Variants in PKN2 observed in about 807,000 individuals in gnomAD.
PKN2 encodes protein kinase N2, also known as serine/threonine-protein kinase N2.
A neutral mutation model predicts 119.1 loss-of-function variants in PKN2; 38 were observed. The ratio of observed to expected loss-of-function variants is 0.32; its 90% CI spans 0.25 to 0.42. PKN2 has a LOEUF of 0.42. Ranked by LOEUF, PKN2 falls within the 10% of genes least tolerant of loss-of-function variation. The pLI, the probability that PKN2 is intolerant of heterozygous loss-of-function variation, is 1.00. For synonymous variants in PKN2, 390 were observed against 384.9 expected (o/e 1.01, Z -0.15); for missense variants, 850 against 1,165.1 (o/e 0.73, Z 3.94).
chr1:88,820,179 CCTATATAT>C (rs1369164091), intron 16 of PKN2, among the ~76,000 whole-genome samples: 2 of 65,476 alleles, frequency 3.1e-5, no homozygotes, highest in East Asian at 9.1e-4. Flanking sequence ...TTTTCAGAAA[CCTATATAT>C]ATATATATAT....
chr1:88,824,037 G>T (rs893316785), intron 17 of PKN2, among the ~76,000 whole-genome samples: 3 of 147,566 alleles, frequency 2.0e-5, no homozygotes, highest in Non-Finnish European at 4.5e-5. Flanking sequence ...GATTAAATTA[G>T]ATTATCACAA....
At chr1:88,815,223 T>C (rs1024570979) in intron 16 of PKN2, among the ~76,000 whole-genome samples, 1 of 152,222 alleles carries the variant, frequency 6.6e-6, no homozygotes, top group Non-Finnish European at 1.5e-5. Context: ...TTATTTTTGC[T>C]GAGAATATAA....
At position 88,822,786 on chromosome 1, in the gene PKN2, C is replaced by T. The variant is rs180707225; in HGVS notation, c.2342+783C>T. ...TATAGATGGAGTTTCACCATGTTGG[C>T]CAGGCTGGTCTTAAAACTCCTGACC... On this transcript the variant is annotated intron_variant, in intron 17 of 21. Transcript: ENST00000370521. 2.6e-3 allele frequency among the ~76,000 whole-genome samples: 396 copies of T among 152,138 alleles called. 2 individuals carry two copies. The highest frequency in any genetic ancestry group is 9.2e-3 in the African/African-American group (380 of 41,512).
rs1056761816 is a variant in PKN2 at position 88,790,853 on chromosome 1, T to C, written c.1281+4640T>C. Among the ~76,000 whole-genome samples, 18 of 152,282 alleles carry C rather than the reference T, an allele frequency of 1.2e-4. 1 individual carries two copies. The East Asian group carries it at 3.5e-3, about 29-fold the overall frequency. Reference sequence around the variant, plus strand: ...GTCTATGGTTTCTGTCTTTTTGTTCTACTTTCTAGGAAATTTTTACAACTG... The same window carrying C: ...GTCTATGGTTTCTGTCTTTTTGTTCCACTTTCTAGGAAATTTTTACAACTG... On this transcript the variant is annotated intron_variant, in intron 8 of 21. Coordinates refer to ENST00000370521, the MANE Select transcript of PKN2 (RefSeq NM_006256.4).
At chr1:88,832,509 T>C (rs1437102897) in intron 19 of PKN2, among the ~76,000 whole-genome samples, 1 of 152,042 alleles carries the variant, frequency 6.6e-6, no homozygotes, top group African/African-American at 2.4e-5. Context: ...AATTTAAAGA[T>C]TTCAGAAAGA....
At chr1:88,812,652 C>T (rs981136689) in intron 15 of PKN2, among the ~76,000 whole-genome samples, 1 of 152,142 alleles carries the variant, frequency 6.6e-6, no homozygotes, top group African/African-American at 2.4e-5. Flanking sequence ...AGGAGGTTCA[C>T]TTGAGCCTAG....
intron 15 of PKN2, among the ~76,000 whole-genome samples, 166 bp downstream of exon 15, chr1:88,807,941 G>T (rs1671616646): frequency 6.6e-6 from 1 of 151,570 alleles, no homozygotes. Context: ...TTTCTTTTTT[G>T]CCCCTTTTTA....
At chr1:88,756,047 G>T (rs1462800440) in intron 2 of PKN2, among the ~76,000 whole-genome samples, 1 of 151,780 alleles carries the variant, frequency 6.6e-6, no homozygotes, top group Non-Finnish European at 1.5e-5. Flanking sequence ...TAGTATCTGG[G>T]ACTACAGACG....
At chr1:88,757,378 G>C (rs1220104877) in intron 2 of PKN2, among the ~76,000 whole-genome samples, 1 of 151,986 alleles carries the variant, frequency 6.6e-6, no homozygotes, top group Non-Finnish European at 1.5e-5. Context: ...TGCCCAGGCT[G>C]GTCTCAAACT....
At chr1:88,806,258 G>A (rs929790593) in intron 12 of PKN2, 14 of 431,562 alleles carry the variant, frequency 3.2e-5, no homozygotes, top group Non-Finnish European at 5.5e-5. Flanking sequence ...GGATTCAAGC[G>A]ATTCTCCTGC....
intron 3 of PKN2, among the ~76,000 whole-genome samples, chr1:88,765,822 G>T (rs186386997): frequency 8.1e-4 from 124 of 152,194 alleles, no homozygotes; most frequent in Non-Finnish European, 1.5e-3. Context: ...TGGAGACAGG[G>T]TCTCACTCTG....
chr1:88,816,570 G>A lies in PKN2; in HGVS notation c.2279+2837G>A, dbSNP rs542311688. Among the ~76,000 whole-genome samples the A allele has an allele frequency of 2.0e-4, 31 of 152,246 alleles. 1 individual carries two copies. In the South Asian group the frequency reaches 5.0e-3, roughly 24 times the overall value. Reference sequence around the variant, plus strand: ...CCATCTTAAGCAATTTTAAGCTCACGTTTATTTTAATAAACTTCAGTAGAT... The same window carrying A: ...CCATCTTAAGCAATTTTAAGCTCACATTTATTTTAATAAACTTCAGTAGAT... On this transcript the variant is annotated intron_variant, in intron 16 of 21. Coordinates refer to ENST00000370521, the MANE Select transcript of PKN2 (RefSeq NM_006256.4).
chr1:88,792,634 C>A (rs1321965886), intron 8 of PKN2, among the ~76,000 whole-genome samples: 2 of 152,168 alleles, frequency 1.3e-5, no homozygotes, highest in East Asian at 3.9e-4. Context: ...ATAACATAGA[C>A]AGTCTATTTT....
At chr1:88,804,582 A>G (rs759294815) in intron 9 of PKN2, 48 bp downstream of exon 9, 16 of 1,523,402 alleles carry the variant, frequency 1.1e-5, no homozygotes, top group Non-Finnish European at 1.8e-6. Flanking sequence ...TTGAAATTAC[A>G]TATGTAGGCA....
intron 18 of PKN2, among the ~76,000 whole-genome samples, chr1:88,826,384 C>G (rs1217847372): frequency 6.6e-6 from 1 of 151,812 alleles, no homozygotes; most frequent in Non-Finnish European, 1.5e-5. Flanking sequence ...TTATAACAAT[C>G]GTATGAAGGT....
chr1:88,726,339 T>A (rs1381826954), intron 1 of PKN2, among the ~76,000 whole-genome samples: 1 of 152,202 alleles, frequency 6.6e-6, no homozygotes, highest in Non-Finnish European at 1.5e-5. Context: ...CTTTGTCAAG[T>A]TGAAGTTCTT....
intron 2 of PKN2, among the ~76,000 whole-genome samples, chr1:88,756,162 C>T (rs928513241): frequency 6.6e-6 from 1 of 152,082 alleles, no homozygotes; most frequent in African/African-American, 2.4e-5. Context: ...TCCCAAAGTG[C>T]TGGGATTACA....
chr1:88,825,593 ACCT>A (rs1672469234), intron 18 of PKN2, among the ~76,000 whole-genome samples: 1 of 151,900 alleles, frequency 6.6e-6, no homozygotes, highest in Non-Finnish European at 1.5e-5. Context: ...CTGCCACTTA[ACCT>A]CCTGAATATT....
intron 16 of PKN2, among the ~76,000 whole-genome samples, chr1:88,814,563 ATATCT>A (rs1480654712): frequency 6.6e-6 from 1 of 152,104 alleles, no homozygotes; most frequent in Non-Finnish European, 1.5e-5. Flanking sequence ...GTGTGGCTAA[ATATCT>A]TATTTAACAA....
Sources: gnomAD v4.1 joint callset for allele counts (sites outside exome capture counted in the v4.1 genomes callset) on GRCh38, gnomAD v4.1.1 for gene constraint, MANE v1.5 for transcripts, NCBI Gene and HGNC (gene_info 2026-07-23, HGNC 2026-07-21) for gene names.